The following CTNND2 variants were observed in gnomAD, a reference collection of about 807,000 sequenced individuals.
CTNND2 encodes the protein catenin delta 2, also known as catenin delta-2.
CTNND2 carries 22 observed loss-of-function variants against 144.4 expected under a neutral mutation model. That is an observed-to-expected ratio of 0.15 (90% CI 0.11 to 0.22). CTNND2 has a LOEUF of 0.22. Among genes scored for constraint, CTNND2 ranks in the 10% least tolerant of loss-of-function variants. CTNND2 has a pLI of 1.00. For missense variants in CTNND2, 1,353 were observed against 1,618.8 expected, an observed-to-expected ratio of 0.84 and a Z score of 2.82; for synonymous variants, 751 against 695.6, an observed-to-expected ratio of 1.08 and a Z score of -1.25.
At chr5:11,703,058 T>C (rs1046806094) in intron 2 of CTNND2, among the ~76,000 whole-genome samples, 1 of 152,174 alleles carries the variant, frequency 6.6e-6, no homozygotes, top group Non-Finnish European at 1.5e-5. Flanking sequence ...GGCAGATTCC[T>C]ACAGGATCAC....
At chr5:11,363,114 G>T (rs530961296) in intron 8 of CTNND2, among the ~76,000 whole-genome samples, 9 of 152,326 alleles carry the variant, frequency 5.9e-5, no homozygotes, top group Non-Finnish European at 1.2e-4. Flanking sequence ...GTAGATTGGT[G>T]AGCTACAAAT....
At chr5:11,625,159 T>C (rs1404439909) in intron 2 of CTNND2, among the ~76,000 whole-genome samples, 1 of 152,130 alleles carries the variant, frequency 6.6e-6, no homozygotes, top group African/African-American at 2.4e-5. Context: ...TGAATCAGTG[T>C]ACCTTTTGTT....
intron 8 of CTNND2, among the ~76,000 whole-genome samples, chr5:11,359,762 C>T (rs1756255094): frequency 6.6e-6 from 1 of 152,182 alleles, no homozygotes. Context: ...AGGTCTTTGG[C>T]TCTTATCTTG....
chr5:11,856,347 G>A (rs772600729), intron 1 of CTNND2, among the ~76,000 whole-genome samples: 11 of 152,202 alleles, frequency 7.2e-5, no homozygotes, highest in Non-Finnish European at 1.3e-4. Context: ...TGTGGAAGGG[G>A]AGGCTGATGG....
At chr5:11,735,213 T>G (rs796948176) in intron 1 of CTNND2, among the ~76,000 whole-genome samples, 11 of 152,304 alleles carry the variant, frequency 7.2e-5, no homozygotes, top group African/African-American at 2.6e-4. Context: ...TATGGTGGTG[T>G]GTTAGGAAGA....
Position 11,296,887 on chromosome 5 carries a change from G to A in CTNND2, c.1628+49485C>T, listed in dbSNP as rs527301037. Reference sequence around the variant, plus strand: ...TTAGGAGATATACCTAATGTTAAATGACGAGTTAATGGGCGCAGCACACCA... The same window carrying A: ...TTAGGAGATATACCTAATGTTAAATAACGAGTTAATGGGCGCAGCACACCA... On this transcript the variant is annotated intron_variant, in intron 9 of 21. Transcript: ENST00000304623. 1.1e-3 allele frequency among the ~76,000 whole-genome samples: 164 copies of A among 152,272 alleles called. 1 individual carries two copies. The highest frequency in any genetic ancestry group is 3.8e-3 in the African/African-American group (156 of 41,552).
At chr5:11,833,754 C>T (rs1456796070) in intron 1 of CTNND2, among the ~76,000 whole-genome samples, 1 of 152,076 alleles carries the variant, frequency 6.6e-6, no homozygotes, top group African/African-American at 2.4e-5. Context: ...GAACTCCTAA[C>T]TTCAGGTGAT....
At chr5:11,477,063 G>A (rs2149966960) in intron 3 of CTNND2, among the ~76,000 whole-genome samples, 1 of 152,306 alleles carries the variant, frequency 6.6e-6, no homozygotes, top group South Asian at 2.1e-4. Flanking sequence ...ACTGGAATAG[G>A]CTGAATGTCA....
At chr5:11,597,405 A>G (rs1018426291) in intron 2 of CTNND2, among the ~76,000 whole-genome samples, 18 of 152,146 alleles carry the variant, frequency 1.2e-4, no homozygotes, top group African/African-American at 3.9e-4. Flanking sequence ...GAATGAGATG[A>G]TTCCTTGGTA....
chr5:11,712,891 T>C (rs1478723054), intron 2 of CTNND2, among the ~76,000 whole-genome samples: 2 of 152,118 alleles, frequency 1.3e-5, no homozygotes, highest in East Asian at 3.9e-4. Context: ...ATAGTGAAAA[T>C]GGGGATATGA....
chr5:11,477,605 G>C (rs1277944416), intron 3 of CTNND2, among the ~76,000 whole-genome samples: 2 of 152,006 alleles, frequency 1.3e-5, no homozygotes, highest in Non-Finnish European at 2.9e-5. Context: ...TGTAGACACA[G>C]GGTTTCACTA....
At chr5:11,807,335 A>C (rs1387214691) in intron 1 of CTNND2, among the ~76,000 whole-genome samples, 1 of 152,158 alleles carries the variant, frequency 6.6e-6, no homozygotes, top group Non-Finnish European at 1.5e-5. Flanking sequence ...GACTACAATA[A>C]ATAAGGATTC....
intron 1 of CTNND2, among the ~76,000 whole-genome samples, chr5:11,760,933 G>A (rs923673701): frequency 5.9e-5 from 9 of 152,094 alleles, no homozygotes; most frequent in African/African-American, 1.2e-4. Flanking sequence ...AATTGATCAC[G>A]TTTAACCTAT....
chr5:11,048,713 G>A (rs2149578431), intron 16 of CTNND2, among the ~76,000 whole-genome samples: 1 of 152,338 alleles, frequency 6.6e-6, no homozygotes, highest in Non-Finnish European at 1.5e-5. Flanking sequence ...TGGCTGGATT[G>A]CATACTAGAC....
At chr5:11,373,636 C>A (rs768770095) in intron 7 of CTNND2, among the ~76,000 whole-genome samples, 2 of 152,132 alleles carry the variant, frequency 1.3e-5, no homozygotes, top group Non-Finnish European at 2.9e-5. Context: ...TGGAATAGTT[C>A]AAAGATTCTC....
Position 11,118,339 on chromosome 5 carries a change from A to T in CTNND2, c.2160-772T>A, listed in dbSNP as rs528840832. Among the ~76,000 whole-genome samples the T allele has an allele frequency of 1.1e-4, 16 of 152,374 alleles. No individual in the cohort carries two copies. In the South Asian group the frequency reaches 3.1e-3, roughly 30 times the overall value. On this transcript the variant is annotated intron_variant, in intron 12 of 21. Transcript: ENST00000304623. ...TATGGTTCCAGTAGAGAATTTCTGCAATGACTTACTACAGACAACACAACC... is the reference window on the plus strand; with the variant it reads ...TATGGTTCCAGTAGAGAATTTCTGCTATGACTTACTACAGACAACACAACC...
chr5:11,023,070 G>A (rs1016776118), intron 16 of CTNND2, 91 bp from the exon 17 acceptor site: 22 of 1,136,134 alleles, frequency 1.9e-5, no homozygotes, highest in Middle Eastern at 2.1e-4. Flanking sequence ...AAGAGAATAC[G>A]AGAGGCCACG....
intron 3 of CTNND2, among the ~76,000 whole-genome samples, chr5:11,488,123 TTATC>T (rs1457401768): frequency 2.6e-5 from 4 of 152,344 alleles, no homozygotes; most frequent in Non-Finnish European, 5.9e-5. Context: ...AAACATCTGA[TTATC>T]TAAGAAAATA....
intron 2 of CTNND2, among the ~76,000 whole-genome samples, chr5:11,729,878 C>T (rs913526019): frequency 6.6e-6 from 1 of 152,130 alleles, no homozygotes; most frequent in African/African-American, 2.4e-5. Context: ...AGCTGTCTAC[C>T]TGGTAGATTA....
Sources: gnomAD v4.1 joint callset for allele counts (sites outside exome capture counted in the v4.1 genomes callset) on GRCh38, gnomAD v4.1.1 for gene constraint, MANE v1.5 for transcripts, NCBI Gene and HGNC (gene_info 2026-07-23, HGNC 2026-07-21) for gene names.